Variants in CD209 observed in about 807,000 individuals in gnomAD.
The protein encoded by CD209 is CD209 antigen.
In CD209, 31 loss-of-function variants were observed where a neutral mutation model predicts 44.7. The ratio of observed to expected loss-of-function variants is 0.69; its 90% CI spans 0.52 to 0.94. The LOEUF is 0.94. Ranked by LOEUF, CD209 falls within the 40% of genes least tolerant of loss-of-function variation. CD209 has a pLI of 0.00. For missense variants in CD209, 407 were observed against 452.4 expected (o/e 0.90, Z 0.91); for synonymous variants, 173 against 181.3 (o/e 0.95, Z 0.37).
chr19:7,746,878 G>C (rs942026768), intron 2 of CD209, among the ~76,000 whole-genome samples: 2 of 149,226 alleles, frequency 1.3e-5, no homozygotes, highest in Non-Finnish European at 3.0e-5. Flanking sequence ...CCCTTCCCCA[G>C]GTCCCAGTAA....
At position 7,745,004 on chromosome 19, in the gene CD209, G is replaced by A. The variant is rs2033755381; in HGVS notation, c.837C>T (p.Asp279=). The part of the protein sequence containing the change: ...FMSNSQRNWH[D]SITACKEVGA... ...CCACTTCTTTGCAGGCGGTGATGGA[G>A]TCGTGCCAGTTCCGCTGGGAGTTAG... Residue 279 remains aspartate (D), a synonymous_variant, in exon 5 of 7, where the codon GAC becomes GAT. Transcript: ENST00000315599. 6.2e-7 allele frequency: 1 copy of A among 1,614,218 alleles called. No individual in the cohort carries two copies. Among genetic ancestry groups the A allele is most frequent in the Non-Finnish European group, 8.5e-7 (1 of 1,180,032 alleles).
chr19:7,743,105 G>T lies in CD209; in HGVS notation c.1149C>A (p.Ser383=). Residue 383 remains serine, a synonymous_variant, in exon 7 of 7, where the codon TCC becomes TCA. Transcript: ENST00000315599. The part of the protein sequence containing the change: ...KFWICKKSAA[S]CSRDEEQFLS... ...GAAACTGTTCTTCATCCCTGGAGCA[G>T]GAGGCTGCGGACTTTTTGCAGATCC... 1 of 1,614,226 alleles carries T rather than the reference G, an allele frequency of 6.2e-7. No homozygotes were observed. Among genetic ancestry groups the T allele is most frequent in the Admixed American group, 1.7e-5 (1 of 60,032 alleles).
At position 7,741,112 on chromosome 19, in the gene CD209, T is replaced by C; in HGVS notation, c.*1927A>G. On this transcript the variant is annotated 3_prime_UTR_variant, in exon 7 of 7. Transcript: ENST00000315599. ...CTATGACTCCGAAGCAAGCCTGGAG[T>C]ACAGCGAGGAAGAAACCTACCAACA... 9.6e-7 allele frequency: 1 copy of C among 1,039,436 alleles called. No homozygotes were observed. Among genetic ancestry groups the C allele is most frequent in the Non-Finnish European group, 1.4e-6 (1 of 691,332 alleles). The allele number at this position is 1,039,436 out of a possible 1,614,324, so 64.4% of individuals were successfully genotyped here.
chr19:7,743,178 A>T lies in CD209; in HGVS notation c.1076T>A (p.Phe359Tyr). 1 of 1,614,134 alleles carries T rather than the reference A, an allele frequency of 6.2e-7. No homozygotes were observed. Reference protein sequence around the residue: ...NNVGEEDCAEFSGNGWNDDKC... With the variant: ...NNVGEEDCAEYSGNGWNDDKC... ...GTCGTCGTTCCAGCCATTGCCACTA[A>T]ATTCCGCGCAGTCTTCCTCCCCAAC... is the stretch of plus-strand genomic sequence containing the variant. The change falls in exon 7 of 7, where the codon TTT (phenylalanine) becomes TAT (tyrosine). Residue 359 changes from phenylalanine to tyrosine, a missense_variant. By Grantham distance (22) the Phe-to-Tyr change is conservative. Coordinates refer to ENST00000315599, the MANE Select transcript of CD209 (RefSeq NM_021155.4).
intron 4 of CD209, 94 bp downstream of exon 4, chr19:7,745,424 A>AG: frequency 6.2e-7 from 1 of 1,605,314 alleles, no homozygotes; most frequent in Non-Finnish European, 8.5e-7. Flanking sequence ...TTCACAGATG[A>AG]GGAAACTTGC....
rs2033627617 is a variant in CD209, at chr19:7,741,894, A to G, written c.*1145T>C. 2.2e-6 allele frequency: 1 copy of G among 445,370 alleles called. No homozygotes were observed. Among genetic ancestry groups the G allele is most frequent in the East Asian group, 5.7e-5 (1 of 17,582 alleles). 27.6% of individuals were successfully genotyped at this position (445,370 alleles called of 1,614,324 possible). On this transcript the variant is annotated 3_prime_UTR_variant, in exon 7 of 7. Transcript: ENST00000315599. ...GGGAAGGAGAACCCTAGTCCAGACC[A>G]TTCCTACAAAAGAAATGGGGAATCC... is the stretch of plus-strand genomic sequence containing the variant.
In CD209 at chr19:7,745,043, G is replaced by A; in HGVS notation, c.798C>T (p.Asn266=). ...GCTGGGAGTTAGACATGAAGTAACA[G>A]TTTCCTTGGAAGAATGTCCATTCCC... is the stretch of plus-strand genomic sequence containing the variant. ...CPWEWTFFQG[N]CYFMSNSQRN... The change falls in exon 5 of 7, where the codon AAC becomes AAT. Residue 266 remains asparagine (N), a synonymous_variant. Transcript: ENST00000315599. The A allele has an allele frequency of 1.2e-6, 2 of 1,614,236 alleles. No individual in the cohort carries two copies. Among genetic ancestry groups the A allele is most frequent in the Non-Finnish European group, 1.7e-6 (2 of 1,180,048 alleles).
rs773917097 is a variant in CD209, at chr19:7,745,510, A to G, written c.748+8T>C. ...CAGGCCCAAGAAGCCCTGGTTCCAG[A>G]TACTCACCCACTGCAGCCTTCAGCT... On this transcript the variant is annotated splice_region_variant and intron_variant, in intron 4 of 6. Transcript: ENST00000315599. 2 of 1,612,508 alleles carry G rather than the reference A, an allele frequency of 1.2e-6. No individual in the cohort carries two copies. Among genetic ancestry groups the G allele is most frequent in the East Asian group, 4.5e-5 (2 of 44,886 alleles).
In CD209 at chr19:7,740,209, G is replaced by T; in HGVS notation, c.*2830C>A. The T allele has an allele frequency of 3.0e-6, 1 of 338,356 alleles. No homozygotes were observed. The allele number at this position is 338,356 out of a possible 1,614,324, so 21.0% of individuals were successfully genotyped here. A position where few individuals can be genotyped will look rare whatever the true frequency, so the allele number is the denominator to read the frequency against. On this transcript the variant is annotated 3_prime_UTR_variant, in exon 7 of 7. Coordinates refer to ENST00000315599, the MANE Select transcript of CD209 (RefSeq NM_021155.4). The stretch of plus-strand genomic sequence containing the variant: ...GATTGGATCAAGGATCATGCCACGT[G>T]GTGTCCACTTCTTAACTCAGTCCCT...
In CD209 at chr19:7,743,093, A is replaced by C; in HGVS notation, c.1161T>G (p.Asp387Glu). 2 of 1,614,188 alleles carry C rather than the reference A, an allele frequency of 1.2e-6. No homozygotes were observed. Among genetic ancestry groups the C allele is most frequent in the South Asian group, 1.1e-5 (1 of 91,086 alleles). The change falls in exon 7 of 7, where the codon GAT becomes GAG. Residue 387 changes from aspartate to glutamate, a missense_variant. Transcript: ENST00000315599. Reference sequence around the variant, plus strand: ...GGGCTGGAGAAAGAAACTGTTCTTCATCCCTGGAGCAGGAGGCTGCGGACT... The same window carrying C: ...GGGCTGGAGAAAGAAACTGTTCTTCCTCCCTGGAGCAGGAGGCTGCGGACT... ...CKKSAASCSR[D>E]EEQFLSPAPA...
chr19:7,745,182 T>C, intron 4 of CD209, 90 bp from the exon 5 acceptor site: 1 of 1,525,994 alleles, frequency 6.6e-7, no homozygotes, highest in South Asian at 1.2e-5. Context: ...AGAGTCAGAG[T>C]CCTTCCTTGA....
Position 7,746,315 on chromosome 19 carries a change from G to A in CD209, c.178+145C>T, listed in dbSNP as rs1372477279. On this transcript the variant is annotated intron_variant, in intron 3 of 6. Coordinates refer to ENST00000315599, the MANE Select transcript of CD209 (RefSeq NM_021155.4). ...CCTGTCCTGCCCTAGAGTGGGGAGG[G>A]GCTGTGGGAGAGGCCCCTACAGACC... The A allele has an allele frequency of 3.8e-6, 4 of 1,061,612 alleles. No homozygotes were observed. The African/African-American group carries it at 4.8e-5, about 13-fold the overall frequency. The allele number at this position is 1,061,612 out of a possible 1,614,324, so 65.8% of individuals were successfully genotyped here.
Position 7,741,520 on chromosome 19 carries a change from T to G in CD209, c.*1519A>C. On this transcript the variant is annotated 3_prime_UTR_variant, in exon 7 of 7. Transcript: ENST00000315599. The stretch of plus-strand genomic sequence containing the variant: ...AAAAAATAGTAATTAAAAAATAACG[T>G]GGGGAGAGTGATTCAGTTCAAGGTC... 2 of 579,882 alleles carry G rather than the reference T, an allele frequency of 3.4e-6. No individual in the cohort carries two copies. Among genetic ancestry groups the G allele is most frequent in the South Asian group, 1.5e-5 (1 of 68,176 alleles). 35.9% of individuals were successfully genotyped at this position (579,882 alleles called of 1,614,324 possible). A position where few individuals can be genotyped will look rare whatever the true frequency, so the allele number is the denominator to read the frequency against.
intron 5 of CD209, among the ~76,000 whole-genome samples, chr19:7,744,517 A>G (rs2033733181): frequency 6.6e-6 from 1 of 152,176 alleles, no homozygotes; most frequent in Admixed American, 6.5e-5. Flanking sequence ...AACTGGGCTT[A>G]ATGTGTTGGA....
intron 6 of CD209, 88 bp from the exon 7 acceptor site, chr19:7,743,328 T>C (rs2033679125): frequency 8.7e-7 from 1 of 1,147,620 alleles, no homozygotes; most frequent in Non-Finnish European, 1.3e-6. Context: ...TGCCTTAACA[T>C]CTGCCCTGCG....
rs775207450 is a variant in CD209, at chr19:7,745,537, G to C, written c.729C>G (p.Thr243=). 6.2e-7 allele frequency: 1 copy of C among 1,611,632 alleles called. No homozygotes were observed. Among genetic ancestry groups the C allele is most frequent in the Non-Finnish European group, 8.5e-7 (1 of 1,179,720 alleles). ...SKQQEIYQEL[T]QLKAAVERLC... is the part of the protein sequence containing the mutation. Reference sequence around the variant, plus strand: ...ACTCACCCACTGCAGCCTTCAGCTGGGTCAGCTCCTGGTAGATCTCCTGCT... The same window carrying C: ...ACTCACCCACTGCAGCCTTCAGCTGCGTCAGCTCCTGGTAGATCTCCTGCT... The change falls in exon 4 of 7, where the codon ACC becomes ACG. Residue 243 remains threonine (T), a synonymous_variant. Transcript: ENST00000315599.
rs1321890488 is a variant in CD209, at chr19:7,741,572, G to A, written c.*1467C>T. The A allele has an allele frequency of 1.6e-5, 11 of 697,994 alleles. No homozygotes were observed. Among genetic ancestry groups the A allele is most frequent in the East Asian group, 3.7e-5 (1 of 26,680 alleles). The allele number at this position is 697,994 out of a possible 1,614,324, so 43.2% of individuals were successfully genotyped here. A position where few individuals can be genotyped will look rare whatever the true frequency, so the allele number is the denominator to read the frequency against. On this transcript the variant is annotated 3_prime_UTR_variant, in exon 7 of 7. Transcript: ENST00000315599. Reference sequence around the variant, plus strand: ...GTTGCAACTTGGAACCTCACCTGAGGGGCAAGTATATATGTTCAGTACCAG... The same window carrying A: ...GTTGCAACTTGGAACCTCACCTGAGAGGCAAGTATATATGTTCAGTACCAG...
In CD209 at chr19:7,745,018, G is replaced by T. The variant is rs562144201; in HGVS notation, c.823C>A (p.Arg275=). 12 of 1,614,064 alleles carry T rather than the reference G, an allele frequency of 7.4e-6. No individual in the cohort carries two copies. The East Asian group carries it at 8.9e-5, about 12-fold the overall frequency. The change falls in exon 5 of 7, where the codon CGG becomes AGG. Residue 275 remains arginine, a synonymous_variant. Transcript: ENST00000315599. ...GCGGTGATGGAGTCGTGCCAGTTCC[G>T]CTGGGAGTTAGACATGAAGTAACAG... The part of the protein sequence containing the change: ...GNCYFMSNSQ[R]NWHDSITACK...
chr19:7,743,872 A>C (rs148390138), intron 6 of CD209, among the ~76,000 whole-genome samples: 1 of 152,076 alleles, frequency 6.6e-6, no homozygotes, highest in South Asian at 2.1e-4. Flanking sequence ...TTAATACATT[A>C]TATTTTAATA....
Sources: allele counts gnomAD v4.1 joint callset (sites outside exome capture counted in the v4.1 genomes callset), GRCh38; gene constraint gnomAD v4.1.1; transcripts MANE v1.5; gene names NCBI Gene and HGNC (gene_info 2026-07-23, HGNC 2026-07-21).